The following AKAP19 variants were observed in gnomAD, a reference collection of about 807,000 sequenced individuals.
AKAP19 encodes small A-kinase anchoring protein.
the AKAP19 span, among the ~76,000 whole-genome samples, chr2:189,924,697 C>T: frequency 2.0e-5 from 3 of 152,016 alleles, no homozygotes; most frequent in African/African-American, 7.2e-5. Context: ...CAGTTCAACA[C>T]AAATGTAACA....
At chr2:190,026,038 A>G in the AKAP19 span, among the ~76,000 whole-genome samples, 1 of 152,224 alleles carries the variant, frequency 6.6e-6, no homozygotes. Flanking sequence ...ACTGCTGAAC[A>G]TCTGCTCATT....
At chr2:189,926,447 C>T in the AKAP19 span, among the ~76,000 whole-genome samples, 2 of 151,406 alleles carry the variant, frequency 1.3e-5, no homozygotes, top group South Asian at 4.2e-4. Flanking sequence ...CTACCATGCC[C>T]CGCTAATTTT....
chr2:189,952,818 T>A, the AKAP19 span, among the ~76,000 whole-genome samples: 1 of 152,240 alleles, frequency 6.6e-6, no homozygotes, highest in Non-Finnish European at 1.5e-5. Context: ...CTTTTTATTT[T>A]GGCTATTTAA....
At chr2:190,065,592 C>T in the AKAP19 span, among the ~76,000 whole-genome samples, 1 of 151,954 alleles carries the variant, frequency 6.6e-6, no homozygotes, top group Admixed American at 6.6e-5. Flanking sequence ...AATGAATGAA[C>T]AATATATATT....
At chr2:189,966,583 C>T in the AKAP19 span, among the ~76,000 whole-genome samples, 9 of 152,170 alleles carry the variant, frequency 5.9e-5, no homozygotes, top group Non-Finnish European at 1.0e-4. Context: ...GATAACATGT[C>T]TTCTTGTAAA....
the AKAP19 span, among the ~76,000 whole-genome samples, chr2:189,969,415 G>A: frequency 5.9e-5 from 9 of 152,120 alleles, no homozygotes; most frequent in Non-Finnish European, 1.2e-4. Flanking sequence ...TCTGGTTTAT[G>A]TTATTTTGGT....
chr2:190,063,332 C>T, the AKAP19 span, among the ~76,000 whole-genome samples: 1 of 151,942 alleles, frequency 6.6e-6, no homozygotes, highest in African/African-American at 2.4e-5. Flanking sequence ...ACATATTGTG[C>T]ATGGAATTAT....
chr2:189,897,548 A>G, the AKAP19 span, among the ~76,000 whole-genome samples: 1 of 152,154 alleles, frequency 6.6e-6, no homozygotes, highest in Non-Finnish European at 1.5e-5. Flanking sequence ...TTGGAGACCC[A>G]TCTTAAGCAA....
the AKAP19 span, among the ~76,000 whole-genome samples, chr2:190,015,640 C>T: frequency 4.6e-5 from 7 of 152,174 alleles, no homozygotes; most frequent in African/African-American, 7.2e-5. Flanking sequence ...AATTCTTTTC[C>T]GGAAAATGGG....
At chr2:190,138,023 A>G in the AKAP19 span, among the ~76,000 whole-genome samples, 4 of 140,720 alleles carry the variant, frequency 2.8e-5, no homozygotes, top group African/African-American at 1.0e-4. Context: ...AAAACCATTG[A>G]CATCCATTCC....
At chr2:189,918,088 T>G in the AKAP19 span, among the ~76,000 whole-genome samples, 1 of 151,970 alleles carries the variant, frequency 6.6e-6, no homozygotes, top group Non-Finnish European at 1.5e-5. Flanking sequence ...CCCTTTATGT[T>G]TTTTTTACCC....
At chr2:189,937,010 C>T in the AKAP19 span, among the ~76,000 whole-genome samples, 1 of 152,102 alleles carries the variant, frequency 6.6e-6, no homozygotes, top group Non-Finnish European at 1.5e-5. Context: ...TGGTGCATGC[C>T]TGTAGTCCCA....
chr2:189,916,279 A>G, the AKAP19 span, among the ~76,000 whole-genome samples: 3 of 150,846 alleles, frequency 2.0e-5, no homozygotes, highest in Non-Finnish European at 4.4e-5. Flanking sequence ...GATCCCTCAT[A>G]TATTATACTT....
the AKAP19 span, among the ~76,000 whole-genome samples, chr2:190,132,540 A>G: frequency 6.6e-6 from 1 of 152,208 alleles, no homozygotes. Flanking sequence ...AGAAAGAACA[A>G]TCTCTTCAAT....
chr2:190,052,993 T>C, the AKAP19 span, among the ~76,000 whole-genome samples: 54 of 152,208 alleles, frequency 3.5e-4, no homozygotes, highest in Admixed American at 1.3e-4. Flanking sequence ...TAAGAAAGTA[T>C]ATGTGTGTGC....
At chr2:189,925,719 T>C in the AKAP19 span, among the ~76,000 whole-genome samples, 2 of 151,810 alleles carry the variant, frequency 1.3e-5, no homozygotes, top group Non-Finnish European at 2.9e-5. Flanking sequence ...GGGTATAAGA[T>C]GAGAAGAGAT....
At chr2:190,078,916 C>G in the AKAP19 span, among the ~76,000 whole-genome samples, 4 of 151,860 alleles carry the variant, frequency 2.6e-5, no homozygotes, top group South Asian at 2.1e-4. Context: ...GTATCTCCAG[C>G]TAAATCTATA....
At chr2:190,121,157 A>G in the AKAP19 span, among the ~76,000 whole-genome samples, 540 of 144,746 alleles carry the variant, frequency 3.7e-3, 8 homozygotes, top group African/African-American at 0.013. Context: ...AATGTCACCC[A>G]GGCTGGAGTG....
chr2:190,117,482 C>T, the AKAP19 span, among the ~76,000 whole-genome samples: 2 of 152,142 alleles, frequency 1.3e-5, no homozygotes, highest in Non-Finnish European at 2.9e-5. Flanking sequence ...GGAAATGCTA[C>T]ACACAGTCTT....
Sources: gnomAD v4.1 joint callset for allele counts (sites outside exome capture counted in the v4.1 genomes callset) on GRCh38, gnomAD v4.1.1 for gene constraint, MANE v1.5 for transcripts, NCBI Gene and HGNC (gene_info 2026-07-23, HGNC 2026-07-21) for gene names.